GPC6: variants seen among roughly 807,000 people sequenced by gnomAD.
GPC6 encodes glypican 6.
GPC6 carries 14 observed loss-of-function variants against 55.2 expected under a neutral mutation model. The observed-to-expected ratio is 0.25, with a 90% CI of 0.17 to 0.40. The LOEUF is 0.40. Ranked by LOEUF, GPC6 falls within the 10% of genes least tolerant of loss-of-function variation. The pLI, the probability that GPC6 is intolerant of heterozygous loss-of-function variation, is 1.00. For synonymous variants in GPC6, 278 were observed against 259.6 expected, an observed-to-expected ratio of 1.07 and a Z score of -0.68; for missense variants, 641 against 708.5, an observed-to-expected ratio of 0.90 and a Z score of 1.08.
intron 4 of GPC6, among the ~76,000 whole-genome samples, chr13:94,193,275 A>G (rs182430713): frequency 6.6e-5 from 10 of 152,290 alleles, no homozygotes; most frequent in Non-Finnish European, 1.0e-4. Flanking sequence ...TAGTGGAGCT[A>G]TGTCACCATA....
intron 2 of GPC6, among the ~76,000 whole-genome samples, chr13:93,596,610 A>AATATATATATAT (rs66682625): frequency 7.5e-6 from 1 of 132,870 alleles, no homozygotes; most frequent in African/African-American, 3.0e-5. Flanking sequence ...TAAATAAATA[A>AATATATATATAT]ATATATATAT....
At chr13:94,363,878 A>T (rs1879171212) in intron 6 of GPC6, among the ~76,000 whole-genome samples, 1 of 152,246 alleles carries the variant, frequency 6.6e-6, no homozygotes, top group Non-Finnish European at 1.5e-5. Flanking sequence ...GTAAGTATAA[A>T]ATACAAACTA....
chr13:93,724,763 G>T (rs771657447), intron 2 of GPC6, among the ~76,000 whole-genome samples: 1 of 151,882 alleles, frequency 6.6e-6, no homozygotes, highest in African/African-American at 2.4e-5. Context: ...ACCTAAAATT[G>T]TGCATCCTTG....
intron 1 of GPC6, among the ~76,000 whole-genome samples, chr13:93,486,025 T>C (rs1879700444): frequency 6.6e-6 from 1 of 152,106 alleles, no homozygotes; most frequent in African/African-American, 2.4e-5. Flanking sequence ...GGAGGAAGAA[T>C]AGGCATAAAA....
At chr13:93,401,689 CT>C (rs4001853) in intron 1 of GPC6, among the ~76,000 whole-genome samples, 28,738 of 63,996 alleles carry the variant, frequency 0.45, 6,703 homozygotes, top group Non-Finnish European at 0.58. Flanking sequence ...CATGAATGGA[CT>C]TTTTTTTTTT....
chr13:93,790,393 T>C (rs1885992857), intron 2 of GPC6, among the ~76,000 whole-genome samples: 1 of 152,214 alleles, frequency 6.6e-6, no homozygotes. Flanking sequence ...GTTACATGTA[T>C]ATTTAAATAG....
intron 2 of GPC6, among the ~76,000 whole-genome samples, chr13:93,726,879 G>T (rs1388899632): frequency 6.6e-6 from 1 of 152,094 alleles, no homozygotes; most frequent in East Asian, 1.9e-4. Flanking sequence ...AGCATGCTCA[G>T]TGTAAGGGAT....
chr13:94,202,355 G>C (rs1240906425), intron 4 of GPC6, among the ~76,000 whole-genome samples: 2 of 152,152 alleles, frequency 1.3e-5, no homozygotes, highest in Admixed American at 6.5e-5. Context: ...TATTTATAAA[G>C]AAAAAGAGGT....
intron 3 of GPC6, among the ~76,000 whole-genome samples, chr13:93,969,752 G>A (rs1252376612): frequency 6.6e-6 from 1 of 151,378 alleles, no homozygotes; most frequent in African/African-American, 2.4e-5. Flanking sequence ...GCCTCTGGTA[G>A]CCACCATTCT....
intron 1 of GPC6, among the ~76,000 whole-genome samples, chr13:93,437,391 CCA>C (rs942247840): frequency 6.6e-5 from 10 of 152,098 alleles, no homozygotes; most frequent in African/African-American, 2.4e-4. Flanking sequence ...ACCTCTTGCG[CCA>C]AACAGTTAGC....
chr13:93,714,739 C>T (rs1038561778), intron 2 of GPC6, among the ~76,000 whole-genome samples: 1 of 151,580 alleles, frequency 6.6e-6, no homozygotes, highest in Non-Finnish European at 1.5e-5. Context: ...TGCTTCTCCA[C>T]AGATGGAGCA....
At chr13:93,992,992 C>G (rs941325529) in intron 3 of GPC6, among the ~76,000 whole-genome samples, 2 of 122,616 alleles carry the variant, frequency 1.6e-5, no homozygotes, top group Non-Finnish European at 3.8e-5. Flanking sequence ...ATGATCACAT[C>G]TGATTTCTTT....
intron 2 of GPC6, among the ~76,000 whole-genome samples, chr13:93,758,041 T>G (rs1884835626): frequency 6.8e-6 from 1 of 147,924 alleles, no homozygotes; most frequent in Non-Finnish European, 1.5e-5. Context: ...TTTCCTCACT[T>G]CTAGGCACTA....
At chr13:93,805,362 A>G (rs1802792385) in intron 2 of GPC6, among the ~76,000 whole-genome samples, 1 of 152,198 alleles carries the variant, frequency 6.6e-6, no homozygotes, top group African/African-American at 2.4e-5. Flanking sequence ...TCTATCACCA[A>G]GTCATCTTTC....
chr13:93,354,354 T>TTTTTTTTTTG lies in GPC6; in HGVS notation c.160+126747_160+126748insGTTTTTTTTT, dbSNP rs1555293314. 4.5e-4 allele frequency among the ~76,000 whole-genome samples: 62 copies of TTTTTTTTTTG among 138,776 alleles called. 2 individuals carry two copies. The highest frequency in any genetic ancestry group is 2.1e-3 in the East Asian group (9 of 4,378). 91.0% of individuals were successfully genotyped at this position (138,776 alleles called of 152,430 possible). A position where few individuals can be genotyped will look rare whatever the true frequency, so the allele number is the denominator to read the frequency against. ...AGAAGTGCTTCCGTTGGTAGATTTTTTTTTTTTTTTTTTTGAGACAGAGTC... is the reference window on the plus strand; with the variant it reads ...AGAAGTGCTTCCGTTGGTAGATTTTTTTTTTTTTTGTTTTTTTTTTTTTTGAGACAGAGTC... On this transcript the variant is annotated intron_variant, in intron 1 of 8. Transcript: ENST00000377047.
intron 3 of GPC6, among the ~76,000 whole-genome samples, chr13:93,923,355 C>G (rs1378648455): frequency 6.6e-6 from 1 of 152,158 alleles, no homozygotes; most frequent in Admixed American, 6.5e-5. Context: ...CTCCTCATAT[C>G]CACCTGCTGA....
chr13:93,829,278 C>T (rs1166095137), intron 2 of GPC6, among the ~76,000 whole-genome samples: 1 of 152,206 alleles, frequency 6.6e-6, no homozygotes, highest in Non-Finnish European at 1.5e-5. Context: ...GTGCCCTACA[C>T]ACACAAAGTG....
At chr13:93,467,581 T>TG (rs1225669511) in intron 1 of GPC6, among the ~76,000 whole-genome samples, 1 of 138,654 alleles carries the variant, frequency 7.2e-6, no homozygotes, top group Non-Finnish European at 1.6e-5. Context: ...GATTCTTTTT[T>TG]TTTTTTTTTT....
At chr13:93,691,275 A>T (rs1279347993) in intron 2 of GPC6, among the ~76,000 whole-genome samples, 1 of 152,242 alleles carries the variant, frequency 6.6e-6, no homozygotes, top group African/African-American at 2.4e-5. Flanking sequence ...TTTAGTTATA[A>T]TGTAGAGAAG....
Sources: allele counts gnomAD v4.1 joint callset (sites outside exome capture counted in the v4.1 genomes callset), GRCh38; gene constraint gnomAD v4.1.1; transcripts MANE v1.5; gene names NCBI Gene and HGNC (gene_info 2026-07-23, HGNC 2026-07-21).